Variants in CDHR5 observed in about 807,000 individuals in gnomAD.
CDHR5 encodes the protein cadherin-related family member 5.
In CDHR5, 82 loss-of-function variants were observed where a neutral mutation model predicts 69.5. That is an observed-to-expected ratio of 1.18 (90% CI 0.99 to 1.42). The LOEUF is 1.42. CDHR5 is among the 40% of genes most tolerant of loss of function. The pLI, the probability that CDHR5 is intolerant of heterozygous loss-of-function variation, is 0.00. For synonymous variants in CDHR5, 601 were observed against 510.2 expected (o/e 1.18, Z -2.40); for missense variants, 1,293 against 1,168.9 (o/e 1.11, Z -1.55).
At position 621,788 on chromosome 11, in the gene CDHR5, TC is replaced by T; in HGVS notation, c.405+23del. On this transcript the variant is annotated intron_variant, in intron 4 of 14. Coordinates refer to ENST00000397542, the MANE Select transcript of CDHR5 (RefSeq NM_021924.5). The surrounding 1 kb of genome is among the most constrained non-coding windows in gnomAD (Gnocchi z 4.4). ...TGGGCTCCCACACCCCCGTGCCCAG[TC>T]CCCGCGGCTTCGCTGGCCTCACCTC... is the stretch of plus-strand genomic sequence containing the variant. 1.2e-6 allele frequency: 2 copies of T among 1,602,566 alleles called. No homozygotes were observed. Among genetic ancestry groups the T allele is most frequent in the African/African-American group, 2.7e-5 (2 of 74,800 alleles).
At position 621,329 on chromosome 11, in the gene CDHR5, G is replaced by C; in HGVS notation, c.618+16C>G. ...CCTCAAGTGTGTGGGACTCGGGGCT[G>C]GGGTGACCTGCTCACCCGCACCAGC... On this transcript the variant is annotated intron_variant, in intron 6 of 14. Coordinates refer to ENST00000397542, the MANE Select transcript of CDHR5 (RefSeq NM_021924.5). The surrounding 1 kb of genome is among the most constrained non-coding windows in gnomAD (Gnocchi z 4.4). 6.2e-7 allele frequency: 1 copy of C among 1,611,816 alleles called. No homozygotes were observed. The highest frequency in any genetic ancestry group is 8.5e-7 in the Non-Finnish European group (1 of 1,178,728).
At position 624,370 on chromosome 11, in the gene CDHR5, C is replaced by T. The variant is rs1237755543; in HGVS notation, c.262-107G>A. 8.1e-6 allele frequency: 6 copies of T among 743,406 alleles called. No homozygotes were observed. Among genetic ancestry groups the T allele is most frequent in the Non-Finnish European group, 1.5e-5 (6 of 407,612 alleles). The allele number at this position is 743,406 out of a possible 1,614,324, so 46.1% of individuals were successfully genotyped here. A position where few individuals can be genotyped will look rare whatever the true frequency, so the allele number is the denominator to read the frequency against. On this transcript the variant is annotated intron_variant, in intron 2 of 14. Transcript: ENST00000397542. The surrounding 1 kb of genome is among the most constrained non-coding windows in gnomAD (Gnocchi z 5.3). ...GGGTCCCCATCATCAGTGGTCAGTG[C>T]TGAGGGTGTGGGCCCAGGCAGCTTC... is the stretch of plus-strand genomic sequence containing the variant.
rs938075884 is a variant in CDHR5, at chr11:624,440, G to A, written c.261+117C>T. On this transcript the variant is annotated intron_variant, in intron 2 of 14. Transcript: ENST00000397542. This position sits in a 1 kb window ranked among gnomAD's most constrained non-coding sequence, Gnocchi z 5.3. ...TTCTAGGGCAGGCACCACCAAGCAT[G>A]GGTGTCAGTGGATGCCCGCAGGCAT... The A allele has an allele frequency of 9.5e-7, 1 of 1,056,878 alleles. No individual in the cohort carries two copies. The allele number at this position is 1,056,878 out of a possible 1,614,324, so 65.5% of individuals were successfully genotyped here. A position where few individuals can be genotyped will look rare whatever the true frequency, so the allele number is the denominator to read the frequency against.
intron 9 of CDHR5, 76 bp from the exon 10 acceptor site, chr11:619,957 G>A (rs1589938167): frequency 7.0e-7 from 1 of 1,431,774 alleles, no homozygotes; most frequent in Non-Finnish European, 9.4e-7. Context: ...CTCAGGAAAG[G>A]CAGGTGCAGA....
chr11:619,078 G>A lies in CDHR5; in HGVS notation c.1481C>T (p.Thr494Ile). 1 of 1,612,206 alleles carries A rather than the reference G, an allele frequency of 6.2e-7. No homozygotes were observed. The highest frequency in any genetic ancestry group is 1.3e-5 in the African/African-American group (1 of 74,978). The change falls in exon 13 of 15, where the codon ACC (threonine) becomes ATC (isoleucine). Residue 494 changes from threonine to isoleucine, a missense_variant. Transcript: ENST00000397542. ...AGGGCCTGTGCCTCCCCCAGAGCTG[G>A]TCGTGGAGGGTCCCTGGGAGGGCTC... ...PPEPSQGPST[T>I]SSGGGTGPHP...
At position 617,802 on chromosome 11, in the gene CDHR5, C is replaced by A. The variant is rs909932733; in HGVS notation, c.2119-32G>T. The A allele has an allele frequency of 2.1e-6, 3 of 1,454,712 alleles. No homozygotes were observed. In the African/African-American group the frequency reaches 4.3e-5, roughly 21 times the overall value. The allele number at this position is 1,454,712 out of a possible 1,614,324, so 90.1% of individuals were successfully genotyped here. A position where few individuals can be genotyped will look rare whatever the true frequency, so the allele number is the denominator to read the frequency against. On this transcript the variant is annotated intron_variant, in intron 14 of 14. Coordinates refer to ENST00000397542, the MANE Select transcript of CDHR5 (RefSeq NM_021924.5). ...GCGGGAGTCGAGGCGTCAGCGGGGT[C>A]CCTGGGTCTCTGCAGCCTTGGCCCT...
In CDHR5 at chr11:616,801, G is replaced by A. The variant is rs371740964; in HGVS notation, c.*550C>T. 1.2e-5 allele frequency: 2 copies of A among 161,044 alleles called. No individual in the cohort carries two copies. The highest frequency in any genetic ancestry group is 3.1e-4 in the South Asian group (2 of 6,486). 10.0% of individuals were successfully genotyped at this position (161,044 alleles called of 1,614,324 possible). ...GCCTCAGTCCAGGTCACTGGGCAGGGTGTTTACTGCTGCGCTCCAACCCAA... is the reference window on the plus strand; with the variant it reads ...GCCTCAGTCCAGGTCACTGGGCAGGATGTTTACTGCTGCGCTCCAACCCAA... On this transcript the variant is annotated 3_prime_UTR_variant, in exon 15 of 15. Transcript: ENST00000397542.
chr11:620,190 C>G, intron 8 of CDHR5, 26 bp from the exon 9 acceptor site: 1 of 1,604,276 alleles, frequency 6.2e-7, no homozygotes, highest in Non-Finnish European at 8.5e-7. Flanking sequence ...AAGTGCTCAG[C>G]CCCGGCCCCC....
rs768160020 is a variant in CDHR5, at chr11:618,625, G to A, written c.1934C>T (p.Pro645Leu). 1 of 1,613,862 alleles carries A rather than the reference G, an allele frequency of 6.2e-7. No homozygotes were observed. Among genetic ancestry groups the A allele is most frequent in the African/African-American group, 1.3e-5 (1 of 75,068 alleles). Residue 645 changes from proline (P) to leucine (L), a missense_variant, in exon 13 of 15, where the codon CCC (proline) becomes CTC (leucine). Pro to Leu is a moderately conservative substitution (Grantham distance 98). Coordinates refer to ENST00000397542, the MANE Select transcript of CDHR5 (RefSeq NM_021924.5). ...TGAAGATGGGGTGCTCTTGCTGAGG[G>A]GCATCGGCTGAGAGGTTCCTGGCTC... is the stretch of plus-strand genomic sequence containing the variant. ...TPEPGTSQPM[P>L]LSKSTPSSGG...
Position 620,238 on chromosome 11 carries a change from G to T in CDHR5, c.880+58C>A, listed in dbSNP as rs1005844580. The stretch of plus-strand genomic sequence containing the variant: ...ACCCAGCCAGCTCTGCCCAAGGTGG[G>T]GATGGAGACAGGGACAGAGGGGGTA... On this transcript the variant is annotated intron_variant, in intron 8 of 14. Coordinates refer to ENST00000397542, the MANE Select transcript of CDHR5 (RefSeq NM_021924.5). The T allele has an allele frequency of 3.7e-5, 58 of 1,583,494 alleles. No homozygotes were observed. The South Asian group carries it at 5.3e-4, about 14-fold the overall frequency.
chr11:618,313 C>T (rs1857108595), intron 13 of CDHR5, among the ~76,000 whole-genome samples: 1 of 152,186 alleles, frequency 6.6e-6, no homozygotes, highest in South Asian at 2.1e-4. Context: ...CCCGGGAGGC[C>T]AAGCTGCTCA....
chr11:620,993 C>CCA, intron 7 of CDHR5, 87 bp downstream of exon 7: 1 of 980,442 alleles, frequency 1.0e-6, no homozygotes. Flanking sequence ...ACCCCGACCC[C>CCA]GCCCTTCCTC....
chr11:618,905 G>T lies in CDHR5; in HGVS notation c.1654C>A (p.Pro552Thr). 1 of 1,609,018 alleles carries T rather than the reference G, an allele frequency of 6.2e-7. No homozygotes were observed. The stretch of plus-strand genomic sequence containing the variant: ...GAGGTGCTGGTTCCCACACCGGGGG[G>T]CATCGGCTGAGAGGTTCCTGGCTTT... ...TPKPGTSQPM[P>T]PGVGTSTSHQ... is the part of the protein sequence containing the mutation. Residue 552 changes from proline to threonine, a missense_variant, in exon 13 of 15, where the codon CCC becomes ACC. Physicochemically the swap from Pro to Thr is conservative, Grantham distance 38. Coordinates refer to ENST00000397542, the MANE Select transcript of CDHR5 (RefSeq NM_021924.5).
chr11:619,473 C>T lies in CDHR5; in HGVS notation c.1293+1G>A. 1.2e-6 allele frequency: 2 copies of T among 1,611,190 alleles called. No individual in the cohort carries two copies. The highest frequency in any genetic ancestry group is 1.7e-6 in the Non-Finnish European group (2 of 1,177,502). On this transcript the variant is annotated splice_donor_variant, in intron 11 of 14. Transcript: ENST00000397542. LOFTEE classifies it high-confidence loss of function. ...AGATGCCCGCCTGCCCTGCCCCGCA[C>T]CTCTGCGTAGAAGGCTCCCGCCTGT...
At position 621,926 on chromosome 11, in the gene CDHR5, C is replaced by A; in HGVS notation, c.313-22G>T. 1 of 1,590,762 alleles carries A rather than the reference C, an allele frequency of 6.3e-7. No homozygotes were observed. Among genetic ancestry groups the A allele is most frequent in the Non-Finnish European group, 8.6e-7 (1 of 1,161,850 alleles). ...TCACCTGCAGGATGTGGCCGTCAGC[C>A]TCTCCCACAGCCCCTCCCCGTTGTG... On this transcript the variant is annotated intron_variant, in intron 3 of 14. Transcript: ENST00000397542. The surrounding 1 kb of genome is among the most constrained non-coding windows in gnomAD (Gnocchi z 4.4).
chr11:617,182 C>A lies in CDHR5; in HGVS notation c.*169G>T, dbSNP rs1007269649. ...CCTCATCTGCACACCTGGGCTCAAG[C>A]GCTAATGACGACAGGGGACTGAGTG... On this transcript the variant is annotated 3_prime_UTR_variant, in exon 15 of 15. Transcript: ENST00000397542. 4.9e-6 allele frequency: 3 copies of A among 614,508 alleles called. No homozygotes were observed. Among genetic ancestry groups the A allele is most frequent in the Non-Finnish European group, 8.8e-6 (3 of 340,830 alleles). The allele number at this position is 614,508 out of a possible 1,614,324, so 38.1% of individuals were successfully genotyped here.
chr11:618,031 G>C lies in CDHR5; in HGVS notation c.2041C>G (p.Leu681Val). The change falls in exon 14 of 15, where the codon CTG (leucine) becomes GTG (valine). Residue 681 changes from leucine (L) to valine (V), a missense_variant. Transcript: ENST00000397542. ...AGGACGGCGAGGCCAAGGAGAGCCA[G>C]CAGCAGCAGCGCACCCAGCACCCCG... ...LGGVLGALLL[L>V]ALLGLAVLVH... 6.3e-7 allele frequency: 1 copy of C among 1,598,906 alleles called. No homozygotes were observed. The highest frequency in any genetic ancestry group is 8.6e-7 in the Non-Finnish European group (1 of 1,169,170).
In CDHR5 at chr11:617,396, A is replaced by G; in HGVS notation, c.2493T>C (p.Gly831=). ...CACCGGGCGCATCGTAGGGACCCCC[A>G]CCCCTCCCCGCGCCCTCGCCCTCAT... ...SGDEGEGAGR[G]GGPYDAPGGD... is the part of the protein sequence containing the mutation. Residue 831 remains glycine (G), a synonymous_variant, in exon 15 of 15, where the codon GGT becomes GGC. Coordinates refer to ENST00000397542, the MANE Select transcript of CDHR5 (RefSeq NM_021924.5). 6.2e-7 allele frequency: 1 copy of G among 1,609,038 alleles called. No individual in the cohort carries two copies. Among genetic ancestry groups the G allele is most frequent in the Non-Finnish European group, 8.5e-7 (1 of 1,178,148 alleles).
rs776886968 is a variant in CDHR5, at chr11:624,679, C to T, written c.139G>A (p.Glu47Lys). ...GGGACGTGGATGTCCACCAGCGGCT[C>T]GGTGACATTTGTGTTCTCCTCTACT... ...FEVEENTNVT[E>K]PLVDIHVPEG... is the part of the protein sequence containing the mutation. Residue 47 changes from glutamate to lysine, a missense_variant, in exon 2 of 15, where the codon GAG becomes AAG. By Grantham distance (56) the Glu-to-Lys change is moderately conservative. Transcript: ENST00000397542. The surrounding 1 kb of genome is among the most constrained non-coding windows in gnomAD (Gnocchi z 5.3). 10 of 1,613,258 alleles carry T rather than the reference C, an allele frequency of 6.2e-6. No homozygotes were observed. The highest frequency in any genetic ancestry group is 1.6e-4 in the Middle Eastern group (1 of 6,080).
Sources: gnomAD v4.1 joint callset for allele counts (sites outside exome capture counted in the v4.1 genomes callset) on GRCh38, gnomAD v4.1.1 for gene constraint, Gnocchi (gnomAD v3.1) non-coding constraint, MANE v1.5 for transcripts, NCBI Gene and HGNC (gene_info 2026-07-23, HGNC 2026-07-21) for gene names.